Variants in RNLS observed in about 807,000 individuals in gnomAD.
RNLS encodes renalase.
In RNLS, 39 loss-of-function variants were observed where a neutral mutation model predicts 39.8. The ratio of observed to expected loss-of-function variants is 0.98; its 90% CI spans 0.76 to 1.28. RNLS has a LOEUF of 1.28. Ranked by LOEUF, RNLS falls within the 50% of genes most tolerant of loss-of-function variation. RNLS has a pLI of 0.00. For missense variants in RNLS, 410 were observed against 413.3 expected (o/e 0.99, Z 0.07); for synonymous variants, 147 against 150.7 (o/e 0.98, Z 0.18).
chr10:88,209,291 T>C, the RNLS span, among the ~76,000 whole-genome samples: 18 of 152,112 alleles, frequency 1.2e-4, no homozygotes, highest in Non-Finnish European at 8.8e-5. Flanking sequence ...GTAGTTATTA[T>C]AGTTAAGATG....
chr10:88,575,203 T>TA (rs368178662), intron 3 of RNLS, among the ~76,000 whole-genome samples: 1,606 of 37,198 alleles, frequency 0.043, 44 homozygotes, highest in African/African-American at 0.14. Flanking sequence ...ATACTATATA[T>TA]ATATGTGTGT....
rs917224054 is a variant in RNLS at position 88,509,448 on chromosome 10, G to C, written c.526+63455C>G. 9.8e-4 allele frequency among the ~76,000 whole-genome samples: 90 copies of C among 91,530 alleles called. 1 individual carries two copies. Among genetic ancestry groups the C allele is most frequent in the Non-Finnish European group, 1.5e-3 (70 of 45,206 alleles). The allele number at this position is 91,530 out of a possible 152,430, so 60.0% of individuals were successfully genotyped here. ...TGGAAGAAAGGAAATAAGAGAGAGA[G>C]AGAAAAAAAAGGAGAGAAGAGGAGA... On this transcript the variant is annotated intron_variant, in intron 4 of 6. Transcript: ENST00000331772.
At chr10:88,541,582 T>C (rs1848043988) in intron 4 of RNLS, among the ~76,000 whole-genome samples, 1 of 152,150 alleles carries the variant, frequency 6.6e-6, no homozygotes, top group Non-Finnish European at 1.5e-5. Flanking sequence ...GAATTAGTCT[T>C]GAGAACACAT....
chr10:88,569,134 G>A (rs1849683078), intron 4 of RNLS, among the ~76,000 whole-genome samples: 1 of 152,100 alleles, frequency 6.6e-6, no homozygotes, highest in Admixed American at 6.5e-5. Flanking sequence ...AGTTCTTTTT[G>A]TCAGGCTTGG....
In RNLS at chr10:88,352,986, G is replaced by A. The variant is rs568553708; in HGVS notation, c.700+9566C>T. 1.3e-3 allele frequency among the ~76,000 whole-genome samples: 198 copies of A among 152,238 alleles called. 6 individuals carry two copies. The South Asian group carries it at 0.031, about 24-fold the overall frequency. On this transcript the variant is annotated intron_variant, in intron 5 of 6. Coordinates refer to ENST00000331772, the MANE Select transcript of RNLS (RefSeq NM_001031709.3). ...CTTCTAGATTTTATAGTTTATTTGC[G>A]TAGAGGTGTTTATAGTATTCTGTGA...
intron 4 of RNLS, among the ~76,000 whole-genome samples, chr10:88,518,275 C>T (rs531128736): frequency 9.2e-5 from 14 of 151,806 alleles, no homozygotes; most frequent in African/African-American, 2.9e-4. Context: ...TATAATGTAA[C>T]CCACAGGCAA....
the RNLS span, among the ~76,000 whole-genome samples, chr10:88,258,654 T>G: frequency 6.6e-6 from 1 of 152,168 alleles, no homozygotes; most frequent in Non-Finnish European, 1.5e-5. Flanking sequence ...ACAGAGAAAC[T>G]GAAATAATGA....
the RNLS span, among the ~76,000 whole-genome samples, chr10:88,172,847 T>G: frequency 2.2e-4 from 9 of 40,036 alleles, no homozygotes; most frequent in Admixed American, 1.4e-3. Flanking sequence ...GAGTTGTTTT[T>G]TTTTTTTTTT....
In RNLS at chr10:88,348,900, T is replaced by C. The variant is rs146122693; in HGVS notation, c.700+13652A>G. Among the ~76,000 whole-genome samples, 151 of 152,268 alleles carry C rather than the reference T, an allele frequency of 9.9e-4. 1 individual carries two copies. Among genetic ancestry groups the C allele is most frequent in the African/African-American group, 3.1e-3 (127 of 41,570 alleles). On this transcript the variant is annotated intron_variant, in intron 5 of 6. Coordinates refer to ENST00000331772, the MANE Select transcript of RNLS (RefSeq NM_001031709.3). ...ATCATGAGTGTGAGTTAGCATTCTA[T>C]ATATTGTATAGATCCGAGCATCTTT...
chr10:88,472,862 CA>C (rs373649634), intron 4 of RNLS, among the ~76,000 whole-genome samples: 7 of 152,284 alleles, frequency 4.6e-5, no homozygotes, highest in African/African-American at 1.7e-4. Flanking sequence ...TTATCACCCA[CA>C]AAGTCTGAAA....
At chr10:88,254,567 T>A in the RNLS span, among the ~76,000 whole-genome samples, 2 of 152,244 alleles carry the variant, frequency 1.3e-5, no homozygotes, top group African/African-American at 2.4e-5. Context: ...TGCTCTTGAT[T>A]TCTGTGAGAC....
At chr10:88,299,608 G>C (rs958834994) in intron 6 of RNLS, among the ~76,000 whole-genome samples, 1 of 152,178 alleles carries the variant, frequency 6.6e-6, no homozygotes, top group Non-Finnish European at 1.5e-5. Flanking sequence ...CTGCGCAATA[G>C]AGCAAGACTC....
chr10:88,208,309 A>C, the RNLS span, among the ~76,000 whole-genome samples: 1 of 152,150 alleles, frequency 6.6e-6, no homozygotes, highest in African/African-American at 2.4e-5. Context: ...TTTGAAAATT[A>C]AAGCTCTGTT....
chr10:88,404,919 A>G (rs184876245), intron 4 of RNLS, among the ~76,000 whole-genome samples: 2 of 152,188 alleles, frequency 1.3e-5, no homozygotes, highest in East Asian at 1.9e-4. Flanking sequence ...GGGAAACTAC[A>G]AAAACAATTC....
intron 4 of RNLS, among the ~76,000 whole-genome samples, chr10:88,567,324 T>G (rs1849559154): frequency 6.6e-6 from 1 of 152,154 alleles, no homozygotes. Flanking sequence ...TTAAACACAT[T>G]TAGGAGACAG....
At chr10:88,537,991 T>C (rs1847855200) in intron 4 of RNLS, among the ~76,000 whole-genome samples, 1 of 152,196 alleles carries the variant, frequency 6.6e-6, no homozygotes, top group Non-Finnish European at 1.5e-5. Context: ...GAATAATGCC[T>C]CTTACAAACT....
intron 4 of RNLS, among the ~76,000 whole-genome samples, chr10:88,534,234 C>A (rs1358112155): frequency 1.3e-5 from 2 of 151,984 alleles, no homozygotes; most frequent in Non-Finnish European, 2.9e-5. Flanking sequence ...GGACTGGAGA[C>A]CTGCAGCATT....
At chr10:88,502,241 G>A (rs1589908742) in intron 4 of RNLS, among the ~76,000 whole-genome samples, 1 of 146,494 alleles carries the variant, frequency 6.8e-6, no homozygotes, top group East Asian at 2.1e-4. Context: ...CAAAACTCAT[G>A]TTGAAATTTG....
At chr10:88,438,473 A>AT (rs1421006955) in intron 4 of RNLS, among the ~76,000 whole-genome samples, 3 of 152,186 alleles carry the variant, frequency 2.0e-5, no homozygotes, top group African/African-American at 7.2e-5. Flanking sequence ...ATCATTTGTC[A>AT]TTTTTTGACT....
Sources: gnomAD v4.1 joint callset for allele counts (sites outside exome capture counted in the v4.1 genomes callset) on GRCh38, gnomAD v4.1.1 for gene constraint, MANE v1.5 for transcripts, NCBI Gene and HGNC (gene_info 2026-07-23, HGNC 2026-07-21) for gene names.